MSRA: variants seen among roughly 807,000 people sequenced by gnomAD.
MSRA encodes methionine sulfoxide reductase A.
A neutral mutation model predicts 31.3 loss-of-function variants in MSRA; 54 were observed. The observed-to-expected ratio is 1.73, with a 90% CI of 1.39 to 2.17. The LOEUF is 2.17. MSRA is among the 30% of genes most tolerant of loss of function. The pLI, the probability that MSRA is intolerant of heterozygous loss-of-function variation, is 0.00. For missense variants in MSRA, 507 were observed against 300.9 expected (o/e 1.69, Z -5.07); for synonymous variants, 169 against 116.5 (o/e 1.45, Z -2.90).
At chr8:10,061,208 C>T (rs1375903430) in intron 1 of MSRA, among the ~76,000 whole-genome samples, 1 of 151,984 alleles carries the variant, frequency 6.6e-6, no homozygotes, top group Non-Finnish European at 1.5e-5. Context: ...TAATGTGTTT[C>T]ACTTTTCTGC....
At chr8:10,103,922 C>G (rs561086077) in intron 1 of MSRA, among the ~76,000 whole-genome samples, 21 of 152,110 alleles carry the variant, frequency 1.4e-4, no homozygotes, top group African/African-American at 4.8e-4. Context: ...CACTTTCATG[C>G]ACATTTTTCT....
chr8:10,089,974 T>C (rs1433337672), intron 1 of MSRA, among the ~76,000 whole-genome samples: 1 of 152,080 alleles, frequency 6.6e-6, no homozygotes, highest in Non-Finnish European at 1.5e-5. Flanking sequence ...TCACAGTGGG[T>C]ATCAAATTTC....
intron 5 of MSRA, among the ~76,000 whole-genome samples, chr8:10,359,141 G>A (rs373108196): frequency 6.6e-6 from 1 of 152,088 alleles, no homozygotes; most frequent in African/African-American, 2.4e-5. Flanking sequence ...CAGGGAAGTT[G>A]TCTTCAGTTA....
chr8:10,146,561 A>C (rs1430611181), intron 1 of MSRA, among the ~76,000 whole-genome samples: 1 of 152,146 alleles, frequency 6.6e-6, no homozygotes, highest in Non-Finnish European at 1.5e-5. Flanking sequence ...TGCAGGTACC[A>C]GGGGTATTTT....
intron 5 of MSRA, among the ~76,000 whole-genome samples, chr8:10,407,820 C>T (rs1028434788): frequency 6.6e-6 from 1 of 152,160 alleles, no homozygotes; most frequent in Non-Finnish European, 1.5e-5. Context: ...TTCTTGCTTG[C>T]TCCTTACATT....
intron 1 of MSRA, among the ~76,000 whole-genome samples, chr8:10,110,935 C>T (rs1466253029): frequency 3.3e-5 from 5 of 152,172 alleles, no homozygotes; most frequent in African/African-American, 7.2e-5. Context: ...TAACCATCTC[C>T]AGTCTAGCAA....
At chr8:10,267,739 C>T (rs918397929) in intron 3 of MSRA, among the ~76,000 whole-genome samples, 6 of 152,140 alleles carry the variant, frequency 3.9e-5, no homozygotes, top group Non-Finnish European at 5.9e-5. Flanking sequence ...ACACCAATTT[C>T]GCTATCTGCC....
chr8:10,238,425 A>G (rs1198159120), intron 2 of MSRA, among the ~76,000 whole-genome samples: 2 of 152,204 alleles, frequency 1.3e-5, no homozygotes, highest in African/African-American at 2.4e-5. Flanking sequence ...CCACTAGAGT[A>G]TACACACTAA....
intron 1 of MSRA, among the ~76,000 whole-genome samples, chr8:10,117,817 C>T (rs1800794544): frequency 6.6e-6 from 1 of 152,090 alleles, no homozygotes; most frequent in African/African-American, 2.4e-5. Context: ...CAGAGAAACC[C>T]TAAATTTACT....
chr8:10,213,016 CATTT>C (rs1281486031), intron 2 of MSRA, among the ~76,000 whole-genome samples: 4 of 152,144 alleles, frequency 2.6e-5, no homozygotes, highest in Non-Finnish European at 5.9e-5. Flanking sequence ...TCCCCTCAAA[CATTT>C]ATCCTTTATG....
At chr8:10,409,771 C>T (rs761848572) in intron 5 of MSRA, among the ~76,000 whole-genome samples, 4 of 152,230 alleles carry the variant, frequency 2.6e-5, no homozygotes, top group African/African-American at 4.8e-5. Context: ...CAAGATATTT[C>T]TTCATAGAAG....
intron 5 of MSRA, among the ~76,000 whole-genome samples, chr8:10,401,605 A>G (rs4292737): frequency 0.6 from 91,250 of 151,924 alleles, 27,692 homozygotes; most frequent in East Asian, 0.72. Context: ...AAACCTGTAC[A>G]CCTGTGTTCT....
intron 1 of MSRA, among the ~76,000 whole-genome samples, chr8:10,082,355 C>A (rs986657971): frequency 6.6e-6 from 1 of 152,200 alleles, no homozygotes; most frequent in Non-Finnish European, 1.5e-5. Flanking sequence ...AGGGGGACCT[C>A]TAACCCTGGT....
At position 10,381,314 on chromosome 8, in the gene MSRA, A is replaced by G. The variant is rs572041397; in HGVS notation, c.544-46834A>G. ...TTGATCCACCCTATTCCTAACATAA[A>G]CCAGTCCATTCCGTACCTCCTCTTG... On this transcript the variant is annotated intron_variant, in intron 5 of 5. Transcript: ENST00000317173. Among the ~76,000 whole-genome samples, 5 of 152,178 alleles carry G rather than the reference A, an allele frequency of 3.3e-5. No homozygotes were observed. The East Asian group carries it at 9.7e-4, about 29-fold the overall frequency.
chr8:10,337,869 C>A, intron 5 of MSRA: 1 of 698,638 alleles, frequency 1.4e-6, no homozygotes. Context: ...GTAAAGTGGT[C>A]CTCACAAATG....
intron 1 of MSRA, among the ~76,000 whole-genome samples, chr8:10,169,050 T>A (rs1165894174): frequency 6.6e-6 from 1 of 152,230 alleles, no homozygotes; most frequent in African/African-American, 2.4e-5. Context: ...ATTTTCCCCA[T>A]AACCTTCTCT....
At chr8:10,140,035 G>A (rs1261978964) in intron 1 of MSRA, among the ~76,000 whole-genome samples, 1 of 152,176 alleles carries the variant, frequency 6.6e-6, no homozygotes, top group African/African-American at 2.4e-5. Flanking sequence ...CTGCGACACG[G>A]GAGCCTTCCG....
intron 1 of MSRA, among the ~76,000 whole-genome samples, chr8:10,082,982 A>G (rs570753317): frequency 1.4e-4 from 21 of 152,364 alleles, no homozygotes; most frequent in African/African-American, 4.3e-4. Context: ...TCAGGAAGCC[A>G]AAAATAACAC....
At chr8:10,140,106 A>G (rs541134166) in intron 1 of MSRA, among the ~76,000 whole-genome samples, 1 of 152,328 alleles carries the variant, frequency 6.6e-6, no homozygotes, top group East Asian at 1.9e-4. Flanking sequence ...TGATGAAGAG[A>G]GGACAGATGT....
Sources: gnomAD v4.1 joint callset for allele counts (sites outside exome capture counted in the v4.1 genomes callset) on GRCh38, gnomAD v4.1.1 for gene constraint, MANE v1.5 for transcripts, NCBI Gene and HGNC (gene_info 2026-07-23, HGNC 2026-07-21) for gene names.